MPP7: variants seen among roughly 807,000 people sequenced by gnomAD.
The protein encoded by MPP7 is MAGUK p55 scaffold protein 7.
In MPP7, 60 loss-of-function variants were observed where a neutral mutation model predicts 76.5. That is an observed-to-expected ratio of 0.78 (90% CI 0.64 to 0.97). MPP7 has a LOEUF of 0.97. Ranked by LOEUF, MPP7 falls within the 50% of genes least tolerant of loss-of-function variation. MPP7 has a pLI of 0.00. For synonymous variants in MPP7, 237 were observed against 244.5 expected (o/e 0.97, Z 0.29); for missense variants, 641 against 694.0 (o/e 0.92, Z 0.86).
chr10:28,148,044 T>C (rs1311450939), intron 4 of MPP7, among the ~76,000 whole-genome samples: 2 of 152,132 alleles, frequency 1.3e-5, no homozygotes, highest in African/African-American at 4.8e-5. Flanking sequence ...TAAAAATAAT[T>C]AGAATGCCCC....
intron 11 of MPP7, among the ~76,000 whole-genome samples, chr10:28,097,277 T>A (rs539846161): frequency 5.7e-4 from 87 of 152,152 alleles, no homozygotes; most frequent in Non-Finnish European, 9.8e-4. Flanking sequence ...CCACCATACC[T>A]CGCCTTTCAT....
At chr10:28,309,241 C>T (rs570908001) in intron 2 of MPP7, among the ~76,000 whole-genome samples, 1 of 152,142 alleles carries the variant, frequency 6.6e-6, no homozygotes, top group Admixed American at 6.5e-5. Flanking sequence ...TCGTGAAACC[C>T]CATCTCTACT....
intron 11 of MPP7, among the ~76,000 whole-genome samples, chr10:28,105,358 C>T (rs146544107): frequency 6.0e-4 from 92 of 152,094 alleles, no homozygotes; most frequent in Middle Eastern, 6.8e-3. Context: ...AAATACTTTG[C>T]TATTATAGCA....
At chr10:28,159,053 G>A (rs1836168967) in intron 3 of MPP7, among the ~76,000 whole-genome samples, 1 of 152,130 alleles carries the variant, frequency 6.6e-6, no homozygotes, top group Admixed American at 6.5e-5. Context: ...GTGAGACTCA[G>A]ATCAGAGATG....
In MPP7 at chr10:28,144,975, A is replaced by G. The variant is rs540759215; in HGVS notation, c.315+2508T>C. Among the ~76,000 whole-genome samples, 4 of 152,326 alleles carry G rather than the reference A, an allele frequency of 2.6e-5. No homozygotes were observed. The East Asian group carries it at 7.7e-4, about 29-fold the overall frequency. ...TTTATAAACTGCCAAAGAAAGTTAT[A>G]AAAATTTTCAGAAAGAATTGGCACA... On this transcript the variant is annotated intron_variant, in intron 5 of 16. Coordinates refer to ENST00000683449, the MANE Select transcript of MPP7 (RefSeq NM_001318170.2).
At chr10:28,204,285 A>G (rs1451579475) in intron 2 of MPP7, among the ~76,000 whole-genome samples, 1 of 152,040 alleles carries the variant, frequency 6.6e-6, no homozygotes, top group Admixed American at 6.6e-5. Flanking sequence ...TCTACTAAAA[A>G]TACAAAAATT....
chr10:28,269,900 G>T (rs1020687237), intron 1 of MPP7, among the ~76,000 whole-genome samples: 1 of 152,000 alleles, frequency 6.6e-6, no homozygotes, highest in African/African-American at 2.4e-5. Flanking sequence ...TTAAGATCGG[G>T]GTATTCTGCA....
At chr10:28,294,632 TTCCCCAGCACAGTGCC>T (rs1840999237) in intron 1 of MPP7, among the ~76,000 whole-genome samples, 1 of 152,224 alleles carries the variant, frequency 6.6e-6, no homozygotes, top group African/African-American at 2.4e-5. Context: ...ATCATATTTT[TTCCCCAGCACAGTGCC>T]AGGAAATGAG....
rs895772367 is a variant in MPP7, at chr10:28,292,218, A to C, written c.-132+10643T>G. The stretch of plus-strand genomic sequence containing the variant: ...AGGTGTGTAGTAGGCTGTGTTATCT[A>C]CATTTGTGTAAGTGCAGTCTGCGAT... On this transcript the variant is annotated intron_variant, in intron 1 of 16. Transcript: ENST00000683449. 2.0e-5 allele frequency among the ~76,000 whole-genome samples: 3 copies of C among 152,212 alleles called. No individual in the cohort carries two copies. In the South Asian group the frequency reaches 6.2e-4, roughly 31 times the overall value.
intron 12 of MPP7, among the ~76,000 whole-genome samples, chr10:28,087,432 G>C (rs1853070776): frequency 6.6e-6 from 1 of 151,086 alleles, no homozygotes. Flanking sequence ...ATCTTGCTCT[G>C]TTGCCCCGGC....
At chr10:28,061,158 A>C (rs1006544720) in intron 13 of MPP7, among the ~76,000 whole-genome samples, 3 of 147,326 alleles carry the variant, frequency 2.0e-5, no homozygotes, top group African/African-American at 8.1e-5. Flanking sequence ...AGAACCAAAA[A>C]CAAAAAAAAA....
chr10:28,051,140 C>T lies in MPP7; in HGVS notation c.*2925G>A, dbSNP rs974507900. 1.3e-5 allele frequency: 2 copies of T among 152,106 alleles called. No individual in the cohort carries two copies. The highest frequency in any genetic ancestry group is 3.9e-4 in the East Asian group (2 of 5,172). 9.4% of individuals were successfully genotyped at this position (152,106 alleles called of 1,614,324 possible). A position where few individuals can be genotyped will look rare whatever the true frequency, so the allele number is the denominator to read the frequency against. ...ATAGTAGTATAATAAAATAGAATAT[C>T]CAAGTGCAAAAACAATTTTCAAGTA... On this transcript the variant is annotated 3_prime_UTR_variant, in exon 17 of 17. Transcript: ENST00000683449.
chr10:28,169,338 T>A (rs1160268658), intron 3 of MPP7, among the ~76,000 whole-genome samples: 2 of 144,630 alleles, frequency 1.4e-5, no homozygotes, highest in African/African-American at 5.4e-5. Context: ...AAAAAAAAAA[T>A]TAATTAGCCA....
At chr10:28,194,121 T>C (rs1021530327) in intron 3 of MPP7, among the ~76,000 whole-genome samples, 13 of 152,238 alleles carry the variant, frequency 8.5e-5, no homozygotes, top group Admixed American at 3.3e-4. Context: ...TTCAAGCGAT[T>C]CTTCTGCCTC....
chr10:28,200,821 T>C (rs993379940), intron 3 of MPP7, among the ~76,000 whole-genome samples: 2 of 152,194 alleles, frequency 1.3e-5, no homozygotes, highest in Admixed American at 6.5e-5. Context: ...TATTTGTAAA[T>C]ACATACAAAT....
intron 2 of MPP7, among the ~76,000 whole-genome samples, chr10:28,224,491 AAT>A (rs1351295913): frequency 5.9e-5 from 9 of 152,188 alleles, no homozygotes; most frequent in Admixed American, 5.9e-4. Context: ...AACAAAGAAA[AAT>A]TCAGCAGAAT....
At chr10:28,295,216 A>G (rs1470112280) in intron 1 of MPP7, among the ~76,000 whole-genome samples, 2 of 152,218 alleles carry the variant, frequency 1.3e-5, no homozygotes, top group African/African-American at 4.8e-5. Flanking sequence ...TGAAACTTCT[A>G]AAATATAAAA....
chr10:28,211,650 T>C (rs949981056), intron 2 of MPP7, among the ~76,000 whole-genome samples: 1 of 152,116 alleles, frequency 6.6e-6, no homozygotes, highest in Non-Finnish European at 1.5e-5. Flanking sequence ...TTATAATTCA[T>C]TAATCAGAAG....
At chr10:28,213,805 AAAAAAG>A (rs1838224277) in intron 2 of MPP7, among the ~76,000 whole-genome samples, 1 of 149,078 alleles carries the variant, frequency 6.7e-6, no homozygotes, top group African/African-American at 2.5e-5. Context: ...AAAAAAAAAA[AAAAAAG>A]AGAGAGAGAG....
Sources: allele counts gnomAD v4.1 joint callset (sites outside exome capture counted in the v4.1 genomes callset), GRCh38; gene constraint gnomAD v4.1.1; transcripts MANE v1.5; gene names NCBI Gene and HGNC (gene_info 2026-07-23, HGNC 2026-07-21).